The following GALNS variants were observed in gnomAD, a reference collection of about 807,000 sequenced individuals.
GALNS encodes N-acetylgalactosamine-6-sulfatase.
In GALNS, 65 loss-of-function variants were observed where a neutral mutation model predicts 65.9. That is an observed-to-expected ratio of 0.99 (90% CI 0.81 to 1.21). The LOEUF is 1.21. Among genes scored for constraint, GALNS ranks in the 50% most tolerant of loss-of-function variants. GALNS has a pLI of 0.00. For missense variants in GALNS, 776 were observed against 700.7 expected (o/e 1.11, Z -1.21); for synonymous variants, 346 against 288.9 (o/e 1.20, Z -2.00).
At chr16:88,828,272 G>A (rs564224394) in intron 9 of GALNS, among the ~76,000 whole-genome samples, 3 of 151,408 alleles carry the variant, frequency 2.0e-5, no homozygotes, top group South Asian at 2.1e-4. Flanking sequence ...TTGTGGTGCC[G>A]GCAGGGCGGG....
chr16:88,817,288 G>T, intron 13 of GALNS: 1 of 985,458 alleles, frequency 1.0e-6, no homozygotes, highest in Non-Finnish European at 1.2e-6. Context: ...ACAGACTTCA[G>T]TGAAACTTTG....
At chr16:88,850,952 C>G (rs368436552) in intron 1 of GALNS, among the ~76,000 whole-genome samples, 1 of 152,360 alleles carries the variant, frequency 6.6e-6, no homozygotes, top group East Asian at 1.9e-4. Flanking sequence ...TGTTCCCAGA[C>G]GCCAGCCGAG....
chr16:88,831,930 G>A lies in GALNS; in HGVS notation c.1002+68C>T, dbSNP rs1002668325. The A allele has an allele frequency of 1.1e-5, 15 of 1,360,806 alleles. No homozygotes were observed. In the South Asian group the frequency reaches 1.7e-4, roughly 15 times the overall value. 84.3% of individuals were successfully genotyped at this position (1,360,806 alleles called of 1,614,324 possible). Reference sequence around the variant, plus strand: ...GCATGGGGGAGGTGGCCAGTGAGGGGCGCACACACCCTGGGATGGCTGCAG... The same window carrying A: ...GCATGGGGGAGGTGGCCAGTGAGGGACGCACACACCCTGGGATGGCTGCAG... On this transcript the variant is annotated intron_variant, in intron 9 of 13. Coordinates refer to ENST00000268695, the MANE Select transcript of GALNS (RefSeq NM_000512.5).
intron 10 of GALNS, among the ~76,000 whole-genome samples, chr16:88,826,126 G>T (rs963457568): frequency 1.7e-4 from 26 of 150,892 alleles, no homozygotes; most frequent in Admixed American, 4.6e-4. Context: ...ACCAGGCTGG[G>T]CAGGGAACAG....
chr16:88,822,465 A>G, intron 12 of GALNS, 124 bp downstream of exon 12: 6 of 1,312,108 alleles, frequency 4.6e-6, no homozygotes, highest in Admixed American at 1.8e-5. Context: ...ATGAATAGCA[A>G]CAGCAGATGC....
chr16:88,818,273 C>T, intron 12 of GALNS, 149 bp from the exon 13 acceptor site: 5 of 714,560 alleles, frequency 7.0e-6, no homozygotes, highest in Non-Finnish European at 1.2e-5. Context: ...CCTGCAGCGG[C>T]CCCGGGCCTC....
intron 12 of GALNS, among the ~76,000 whole-genome samples, chr16:88,818,418 G>A (rs758019712): frequency 1.1e-4 from 16 of 152,210 alleles, no homozygotes; most frequent in Non-Finnish European, 1.9e-4. Flanking sequence ...CCCTGCCTGT[G>A]ACCAGGACCC....
intron 1 of GALNS, among the ~76,000 whole-genome samples, chr16:88,847,113 C>T (rs1967281726): frequency 6.6e-6 from 1 of 152,132 alleles, no homozygotes; most frequent in South Asian, 2.1e-4. Context: ...CTCTTAAGCA[C>T]ACTGGAGACC....
Position 88,842,806 on chromosome 16 carries a change from C to T in GALNS, c.144G>A (p.Val48=), listed in dbSNP as rs751184201. ...GGGTCTCTCTGGAGGGCTCTCCATACACCCCGAGGTCACCCCATCCCATCT... is the reference window on the plus strand; with the variant it reads ...GGGTCTCTCTGGAGGGCTCTCCATATACCCCGAGGTCACCCCATCCCATCT... The part of the protein sequence containing the change: ...MDDMGWGDLG[V]YGEPSRETPN... Residue 48 remains valine, a synonymous_variant, in exon 2 of 14, where the codon GTG becomes GTA. Coordinates refer to ENST00000268695, the MANE Select transcript of GALNS (RefSeq NM_000512.5). 1.9e-5 allele frequency: 30 copies of T among 1,613,316 alleles called. 1 individual carries two copies. The South Asian group carries it at 1.9e-4, about 10-fold the overall frequency.
rs1909547359 is a variant in GALNS at position 88,815,659 on chromosome 16, G to C, written c.1483-1134C>G. On this transcript the variant is annotated intron_variant, in intron 13 of 13. Coordinates refer to ENST00000268695, the MANE Select transcript of GALNS (RefSeq NM_000512.5). Reference sequence around the variant, plus strand: ...CACGTCAGACGCCGCATGGCCCTGAGGGCACTTTCCGGGGACAGACTTTGG... The same window carrying C: ...CACGTCAGACGCCGCATGGCCCTGACGGCACTTTCCGGGGACAGACTTTGG... The C allele has an allele frequency of 4.1e-6, 4 of 985,484 alleles. No individual in the cohort carries two copies. The South Asian group carries it at 1.4e-4, about 35-fold the overall frequency. 61.0% of individuals were successfully genotyped at this position (985,484 alleles called of 1,614,324 possible). A position where few individuals can be genotyped will look rare whatever the true frequency, so the allele number is the denominator to read the frequency against.
At chr16:88,856,344 C>T (rs983640928) in intron 1 of GALNS, 9 of 702,392 alleles carry the variant, frequency 1.3e-5, no homozygotes, top group African/African-American at 1.0e-4. Context: ...GGAGCAGCCT[C>T]TTCCTCCCTT....
chr16:88,841,951 C>T lies in GALNS; in HGVS notation c.265G>A (p.Gly89Arg), dbSNP rs1160480473. The change falls in exon 3 of 14, where the codon GGA becomes AGA. Residue 89 changes from glycine (G) to arginine (R), a missense_variant. Gly to Arg is a moderately radical substitution (Grantham distance 125). Coordinates refer to ENST00000268695, the MANE Select transcript of GALNS (RefSeq NM_000512.5). Reference protein sequence around the residue: ...CSPSRAALLTGRLPIRNGFYT... With the variant: ...CSPSRAALLTRRLPIRNGFYT... ...AAGCCATTGCGGATGGGTAGCCGTC[C>T]TGTGAGCAGTGCCGCCCTCGCTATG... 3.1e-6 allele frequency: 5 copies of T among 1,613,322 alleles called. No individual in the cohort carries two copies. Among genetic ancestry groups the T allele is most frequent in the Non-Finnish European group, 4.2e-6 (5 of 1,179,740 alleles).
chr16:88,815,240 G>T, intron 13 of GALNS: 6 of 985,478 alleles, frequency 6.1e-6, no homozygotes, highest in Non-Finnish European at 6.0e-6. Context: ...GGAGGTCCCG[G>T]GTATGGGGGA....
intron 12 of GALNS, among the ~76,000 whole-genome samples, chr16:88,822,378 G>A (rs1597534247): frequency 6.6e-6 from 1 of 152,210 alleles, no homozygotes; most frequent in African/African-American, 2.4e-5. Flanking sequence ...CCCAGAAGGG[G>A]CAGAAGTGGG....
intron 1 of GALNS, among the ~76,000 whole-genome samples, chr16:88,850,810 C>T (rs576463958): frequency 1.6e-4 from 25 of 152,358 alleles, no homozygotes; most frequent in African/African-American, 3.8e-4. Flanking sequence ...GCTGGCAGTG[C>T]GGCCGCCTCT....
At chr16:88,838,012 G>A (rs1912326096) in intron 4 of GALNS, 5 of 516,110 alleles carry the variant, frequency 9.7e-6, no homozygotes, top group Non-Finnish European at 1.4e-5. Context: ...GGCGGCGGCC[G>A]GGGTTCCCTG....
intron 9 of GALNS, among the ~76,000 whole-genome samples, chr16:88,830,229 T>C (rs1244240567): frequency 7.7e-5 from 4 of 51,682 alleles, no homozygotes; most frequent in Non-Finnish European, 9.9e-5. Flanking sequence ...AGACTTCATC[T>C]CAAAAAAAAA....
intron 11 of GALNS, among the ~76,000 whole-genome samples, chr16:88,824,202 G>A (rs1263692270): frequency 1.3e-5 from 2 of 152,112 alleles, no homozygotes; most frequent in African/African-American, 2.4e-5. Flanking sequence ...ATGCTGGAGC[G>A]TAGGGGTCAG....
At chr16:88,823,650 G>A (rs1371388969) in intron 11 of GALNS, among the ~76,000 whole-genome samples, 1 of 47,156 alleles carries the variant, frequency 2.1e-5, no homozygotes, top group Non-Finnish European at 4.1e-5. Flanking sequence ...CCTCGCAGGC[G>A]GCAATGCCGG....
Sources: gnomAD v4.1 joint callset for allele counts (sites outside exome capture counted in the v4.1 genomes callset) on GRCh38, gnomAD v4.1.1 for gene constraint, MANE v1.5 for transcripts, NCBI Gene and HGNC (gene_info 2026-07-23, HGNC 2026-07-21) for gene names.